Variants in OR51B5 observed in about 807,000 individuals in gnomAD.
OR51B5 encodes olfactory receptor 51B5.
For synonymous variants in OR51B5, 186 were observed against 144.8 expected (o/e 1.28, Z -2.04); for missense variants, 456 against 374.6 (o/e 1.22, Z -1.79).
intron 1 of OR51B5, chr11:5,453,770 T>C (rs1850897219): frequency 6.2e-7 from 1 of 1,614,222 alleles, no homozygotes; most frequent in Non-Finnish European, 8.5e-7. Context: ...ACATCACTTT[T>C]GATGCCTGTC....
rs79764028 is a variant in OR51B5 at position 5,352,496 on chromosome 11, G to A, written n.85-5586C>T. On this transcript the variant is annotated intron_variant and non_coding_transcript_variant, in intron 1 of 4. Transcript: ENST00000415970. ...ATAATTCAGGGGACCTGGACAGGAT[G>A]ACAATGTTGCCAGCATAAGTAACTA... is the stretch of plus-strand genomic sequence containing the variant. 2.5e-3 allele frequency: 2,936 copies of A among 1,160,198 alleles called. 7 individuals carry two copies. The highest frequency in any genetic ancestry group is 4.3e-3 in the South Asian group (300 of 69,728). The allele number at this position is 1,160,198 out of a possible 1,614,324, so 71.9% of individuals were successfully genotyped here.
At chr11:5,445,817 G>A (rs771613454) in intron 1 of OR51B5, among the ~76,000 whole-genome samples, 6 of 151,822 alleles carry the variant, frequency 4.0e-5, no homozygotes, top group Non-Finnish European at 8.8e-5. Context: ...ATGGAGAAGT[G>A]TGTTGTTGTT....
intron 1 of OR51B5, among the ~76,000 whole-genome samples, chr11:5,386,640 G>A (rs1022448272): frequency 2.6e-5 from 4 of 152,036 alleles, no homozygotes; most frequent in Admixed American, 1.3e-4. Flanking sequence ...GCATAATCTC[G>A]GTGGCTGCAG....
At chr11:5,375,351 C>T (rs1013004742) in intron 1 of OR51B5, among the ~76,000 whole-genome samples, 1 of 151,238 alleles carries the variant, frequency 6.6e-6, no homozygotes, top group Non-Finnish European at 1.5e-5. Context: ...CATGGAAAGG[C>T]ACAACCGGTA....
At chr11:5,475,330 A>G (rs1267806045) in intron 1 of OR51B5, among the ~76,000 whole-genome samples, 1 of 152,072 alleles carries the variant, frequency 6.6e-6, no homozygotes, top group East Asian at 1.9e-4. Context: ...ATATTCAATC[A>G]TTGTTCTCTT....
intron 1 of OR51B5, chr11:5,431,144 T>C (rs1850528938): frequency 2.5e-6 from 1 of 399,432 alleles, no homozygotes; most frequent in East Asian, 7.2e-5. Context: ...AGTGCCACAC[T>C]CTTCAGTGTA....
intron 1 of OR51B5, among the ~76,000 whole-genome samples, chr11:5,381,830 T>A (rs1849612715): frequency 6.6e-6 from 1 of 152,226 alleles, no homozygotes; most frequent in Non-Finnish European, 1.5e-5. Flanking sequence ...CCTTCAATTA[T>A]ATAATTCAGA....
intron 1 of OR51B5, among the ~76,000 whole-genome samples, chr11:5,386,307 G>C (rs533993633): frequency 1.3e-5 from 2 of 152,250 alleles, no homozygotes; most frequent in Admixed American, 1.3e-4. Flanking sequence ...GCTAAAGATG[G>C]TGTTACAGGG....
Position 5,498,253 on chromosome 11 carries a change from T to C in OR51B5, n.84+7316A>G, listed in dbSNP as rs1851678019. Reference sequence around the variant, plus strand: ...AGCTATCTTTGGCGATCCTTGGGATTAGCTGAGTGAACAGCAGTGGTAGTT... The same window carrying C: ...AGCTATCTTTGGCGATCCTTGGGATCAGCTGAGTGAACAGCAGTGGTAGTT... On this transcript the variant is annotated intron_variant and non_coding_transcript_variant, in intron 1 of 4. Coordinates refer to the OR51B5 transcript ENST00000415970. 3.3e-5 allele frequency among the ~76,000 whole-genome samples: 5 copies of C among 152,264 alleles called. No homozygotes were observed. The South Asian group carries it at 1.0e-3, about 32-fold the overall frequency.
chr11:5,479,637 C>T (rs1048425482), intron 1 of OR51B5, among the ~76,000 whole-genome samples: 83 of 151,938 alleles, frequency 5.5e-4, no homozygotes, highest in Admixed American at 1.8e-3. Flanking sequence ...CAGAGACACA[C>T]GTAGGCTCAA....
chr11:5,365,220 A>T (rs1849346434), intron 1 of OR51B5, among the ~76,000 whole-genome samples: 1 of 152,166 alleles, frequency 6.6e-6, no homozygotes, highest in African/African-American at 2.4e-5. Context: ...GTTGTCTATT[A>T]TATCAGGACT....
intron 1 of OR51B5, among the ~76,000 whole-genome samples, chr11:5,366,452 C>CA (rs1849368881): frequency 6.6e-6 from 1 of 152,016 alleles, no homozygotes; most frequent in East Asian, 1.9e-4. Context: ...AATAAAAATA[C>CA]AAAAAAATTA....
upstream of OR51B5, chr11:5,343,651 A>G (rs1018507515): frequency 3.6e-6 from 2 of 551,112 alleles, no homozygotes; most frequent in Admixed American, 3.6e-5. Context: ...AATGACATCA[A>G]TATAAGTGAT....
chr11:5,453,103 TTCTTC>T (rs1309389063), intron 1 of OR51B5, among the ~76,000 whole-genome samples: 3 of 152,266 alleles, frequency 2.0e-5, no homozygotes, highest in Non-Finnish European at 4.4e-5. Context: ...ACTCCTGACT[TTCTTC>T]TCTTGTGGCT....
chr11:5,478,878 C>T (rs1431699268), intron 1 of OR51B5, among the ~76,000 whole-genome samples: 3 of 150,628 alleles, frequency 2.0e-5, no homozygotes, highest in Non-Finnish European at 3.0e-5. Context: ...ACCAAATCTA[C>T]GTCTGATTGG....
chr11:5,346,060 C>T (rs551585429), upstream of OR51B5, among the ~76,000 whole-genome samples: 1 of 152,172 alleles, frequency 6.6e-6, no homozygotes, highest in African/African-American at 2.4e-5. Context: ...GACGTTTCAG[C>T]AATAATCTCC....
intron 1 of OR51B5, among the ~76,000 whole-genome samples, chr11:5,493,038 C>T (rs1851601928): frequency 6.6e-6 from 1 of 152,132 alleles, no homozygotes; most frequent in South Asian, 2.1e-4. Context: ...AAAAATCCTA[C>T]CGTTTGAGTT....
chr11:5,395,703 G>A lies in OR51B5; in HGVS notation n.85-48793C>T, dbSNP rs1287314171. Among the ~76,000 whole-genome samples the A allele has an allele frequency of 4.6e-5, 7 of 152,286 alleles. 1 individual carries two copies. Among genetic ancestry groups the A allele is most frequent in the Middle Eastern group, 3.4e-3 (1 of 294 alleles). On this transcript the variant is annotated intron_variant and non_coding_transcript_variant, in intron 1 of 4. Coordinates refer to the OR51B5 transcript ENST00000415970. ...CTCGAAAAGAGGCAGGGCCCATGTG[G>A]AAATCTTTCAACATAGTAAAAAAGC...
chr11:5,399,206 C>T (rs1015981689), intron 1 of OR51B5, among the ~76,000 whole-genome samples: 2 of 152,158 alleles, frequency 1.3e-5, no homozygotes, highest in Non-Finnish European at 2.9e-5. Flanking sequence ...GGTTTATATG[C>T]TCATCTATTA....
Sources: allele counts gnomAD v4.1 joint callset (sites outside exome capture counted in the v4.1 genomes callset), GRCh38; gene constraint gnomAD v4.1.1; transcripts MANE v1.5; gene names NCBI Gene and HGNC (gene_info 2026-07-23, HGNC 2026-07-21).